The following SNAP91 variants were observed in gnomAD, a reference collection of about 807,000 sequenced individuals.
The protein encoded by SNAP91 is synaptosome associated protein 91, also known as clathrin coat assembly protein AP180.
SNAP91 carries 27 observed loss-of-function variants against 100.3 expected under a neutral mutation model. That is an observed-to-expected ratio of 0.27 (90% CI 0.20 to 0.37). SNAP91 has a LOEUF of 0.37. Ranked by LOEUF, SNAP91 falls within the 10% of genes least tolerant of loss-of-function variation. The probability of loss-of-function intolerance (pLI) is 1.00; values close to 1 mark genes in which losing one functional copy is unlikely to be tolerated. For synonymous variants in SNAP91, 404 were observed against 398.6 expected (o/e 1.01, Z -0.16); for missense variants, 986 against 1,123.7 (o/e 0.88, Z 1.75).
chr6:83,582,137 T>C (rs2128128533), intron 23 of SNAP91, 85 bp downstream of exon 23: 1 of 1,408,090 alleles, frequency 7.1e-7, no homozygotes, highest in African/African-American at 1.4e-5. Context: ...TTGTTGTAAA[T>C]TTCCTGATAG....
chr6:83,581,232 T>A (rs1328952841), intron 23 of SNAP91, among the ~76,000 whole-genome samples: 1 of 152,208 alleles, frequency 6.6e-6, no homozygotes, highest in Non-Finnish European at 1.5e-5. Flanking sequence ...ACAGTCAGCA[T>A]CTAGTAATAG....
At chr6:83,661,951 A>G (rs952944708) in intron 4 of SNAP91, among the ~76,000 whole-genome samples, 4 of 152,170 alleles carry the variant, frequency 2.6e-5, no homozygotes, top group Admixed American at 2.6e-4. Context: ...TACACACAAC[A>G]GATAAACAGT....
At chr6:83,631,064 A>C (rs2097187670) in intron 8 of SNAP91, among the ~76,000 whole-genome samples, 1 of 152,080 alleles carries the variant, frequency 6.6e-6, no homozygotes, top group Admixed American at 6.6e-5. Context: ...AGTTCGAAGA[A>C]TTTTTTGATT....
At chr6:83,559,145 G>A (rs1320047967) in intron 28 of SNAP91, among the ~76,000 whole-genome samples, 1 of 152,120 alleles carries the variant, frequency 6.6e-6, no homozygotes, top group East Asian at 1.9e-4. Flanking sequence ...GACAGTTTAT[G>A]CTAACAAGGT....
At chr6:83,588,712 G>C (rs543282103) in intron 22 of SNAP91, among the ~76,000 whole-genome samples, 26 of 152,270 alleles carry the variant, frequency 1.7e-4, no homozygotes, top group Admixed American at 1.4e-3. Flanking sequence ...CTTGGAATTG[G>C]ATGGGAACAC....
intron 25 of SNAP91, chr6:83,575,610 C>A (rs1817301265): frequency 4.8e-6 from 1 of 206,322 alleles, no homozygotes; most frequent in Non-Finnish European, 9.5e-6. Flanking sequence ...ATTTCAACGA[C>A]AAAATATACA....
chr6:83,554,371 T>C (rs1774449725), intron 29 of SNAP91, 86 bp from the exon 30 acceptor site: 1 of 183,896 alleles, frequency 5.4e-6, no homozygotes, highest in Non-Finnish European at 1.2e-5. Context: ...TTTTACTTCA[T>C]AGTTTCTGAA....
chr6:83,577,043 A>T (rs1819978033), intron 24 of SNAP91, among the ~76,000 whole-genome samples: 1 of 152,192 alleles, frequency 6.6e-6, no homozygotes, highest in Non-Finnish European at 1.5e-5. Context: ...AAGCTTATGG[A>T]AAAATGAAAA....
chr6:83,688,392 T>C (rs1441953197), intron 2 of SNAP91, among the ~76,000 whole-genome samples: 1 of 152,160 alleles, frequency 6.6e-6, no homozygotes, highest in Non-Finnish European at 1.5e-5. Context: ...TGATTCTTTC[T>C]ACAAAGCCCC....
At chr6:83,598,366 C>T (rs907189006) in intron 16 of SNAP91, among the ~76,000 whole-genome samples, 18 of 152,110 alleles carry the variant, frequency 1.2e-4, no homozygotes, top group African/African-American at 4.3e-4. Context: ...ACATGAACTA[C>T]CTACATTGAA....
At chr6:83,676,198 G>A (rs1330495974) in intron 2 of SNAP91, among the ~76,000 whole-genome samples, 1 of 151,962 alleles carries the variant, frequency 6.6e-6, no homozygotes, top group Non-Finnish European at 1.5e-5. Context: ...CTATGTGCCA[G>A]GCACTGTTCT....
intron 2 of SNAP91, among the ~76,000 whole-genome samples, chr6:83,677,168 C>G (rs761964483): frequency 6.6e-6 from 1 of 152,144 alleles, no homozygotes; most frequent in Non-Finnish European, 1.5e-5. Flanking sequence ...CAGGAGACCC[C>G]ATGCCTTGTG....
chr6:83,613,889 A>G (rs1194468535), intron 11 of SNAP91, among the ~76,000 whole-genome samples: 1 of 152,242 alleles, frequency 6.6e-6, no homozygotes, highest in Non-Finnish European at 1.5e-5. Context: ...AGAAAAATCT[A>G]GTAGATAATG....
chr6:83,708,190 C>T (rs1588457715), intron 1 of SNAP91: 1 of 442,482 alleles, frequency 2.3e-6, no homozygotes, highest in Non-Finnish European at 4.0e-6. Flanking sequence ...GTCGCAGCAT[C>T]GTGACACCGT....
At chr6:83,580,401 T>C in intron 24 of SNAP91, 49 bp downstream of exon 24, 2 of 1,527,562 alleles carry the variant, frequency 1.3e-6, no homozygotes, top group African/African-American at 3.0e-5. Context: ...CAAAAAACAA[T>C]TCACATATGC....
chr6:83,643,849 T>G (rs1411801599), intron 7 of SNAP91, among the ~76,000 whole-genome samples: 1 of 152,156 alleles, frequency 6.6e-6, no homozygotes, highest in Non-Finnish European at 1.5e-5. Context: ...TGTTTCCTAC[T>G]TGCTAGGAGT....
intron 24 of SNAP91, 40 bp downstream of exon 24, chr6:83,580,410 G>C (rs1170381062): frequency 6.7e-7 from 1 of 1,500,376 alleles, no homozygotes; most frequent in African/African-American, 2.0e-5. Flanking sequence ...ATTCACATAT[G>C]CTTCAGTTAA....
intron 2 of SNAP91, among the ~76,000 whole-genome samples, chr6:83,680,281 A>G (rs183928567): frequency 3.4e-4 from 52 of 152,320 alleles, no homozygotes; most frequent in African/African-American, 1.2e-3. Flanking sequence ...TTCAAAAGGA[A>G]TAAGTAAGGT....
At chr6:83,615,441 C>G (rs1350676173) in intron 10 of SNAP91, among the ~76,000 whole-genome samples, 1 of 152,190 alleles carries the variant, frequency 6.6e-6, no homozygotes, top group Admixed American at 6.5e-5. Flanking sequence ...CTTCCTGTCT[C>G]CATTTGCTTA....
Sources: allele counts gnomAD v4.1 joint callset (sites outside exome capture counted in the v4.1 genomes callset), GRCh38; gene constraint gnomAD v4.1.1; transcripts MANE v1.5; gene names NCBI Gene and HGNC (gene_info 2026-07-23, HGNC 2026-07-21).